The following SND1 variants were observed in gnomAD, a reference collection of about 807,000 sequenced individuals.
SND1 encodes staphylococcal nuclease domain-containing protein 1.
In SND1, 38 loss-of-function variants were observed where a neutral mutation model predicts 121.7. The observed-to-expected ratio is 0.31, with a 90% CI of 0.24 to 0.41. SND1 has a LOEUF of 0.41. SND1 is among the 10% of genes least tolerant of loss of function. The pLI is 1.00. For synonymous variants in SND1, 401 were observed against 447.4 expected, an observed-to-expected ratio of 0.90 and a Z score of 1.31; for missense variants, 868 against 1,184.6, an observed-to-expected ratio of 0.73 and a Z score of 3.92.
At chr7:127,808,533 C>A (rs943965789) in intron 11 of SND1, among the ~76,000 whole-genome samples, 8 of 152,154 alleles carry the variant, frequency 5.3e-5, no homozygotes, top group Admixed American at 2.0e-4. Flanking sequence ...ATTATAAATA[C>A]AACCATTTTT....
At chr7:127,710,677 C>T (rs1796282511) in intron 9 of SND1, among the ~76,000 whole-genome samples, 1 of 152,174 alleles carries the variant, frequency 6.6e-6, no homozygotes, top group South Asian at 2.1e-4. Context: ...TTCCTTGAGG[C>T]AGTCACTTTC....
At position 127,702,420 on chromosome 7, in the gene SND1, T is replaced by G; in HGVS notation, c.590-15T>G. The G allele has an allele frequency of 1.2e-6, 2 of 1,613,184 alleles. No individual in the cohort carries two copies. Among genetic ancestry groups the G allele is most frequent in the Non-Finnish European group, 1.7e-6 (2 of 1,179,104 alleles). On this transcript the variant is annotated splice_polypyrimidine_tract_variant and intron_variant, in intron 5 of 23. Transcript: ENST00000354725. Reference sequence around the variant, plus strand: ...ATGTTTGCTAAGGACTTAAGCTGTTTATTCTGTCACACAGCTATCATCGAG... The same window carrying G: ...ATGTTTGCTAAGGACTTAAGCTGTTGATTCTGTCACACAGCTATCATCGAG...
chr7:128,047,888 C>G (rs939768311), intron 16 of SND1, among the ~76,000 whole-genome samples: 4 of 151,822 alleles, frequency 2.6e-5, no homozygotes, highest in African/African-American at 9.7e-5. Context: ...GCTCTTATTG[C>G]CCAGGCTAGA....
chr7:127,657,235 TCAGA>T (rs1338849451), intron 1 of SND1, among the ~76,000 whole-genome samples: 3 of 151,722 alleles, frequency 2.0e-5, no homozygotes, highest in Non-Finnish European at 4.4e-5. Context: ...TATGGAGGAG[TCAGA>T]CAATAAAGAA....
intron 22 of SND1, among the ~76,000 whole-genome samples, chr7:128,091,149 A>G (rs2117073594): frequency 6.6e-6 from 1 of 152,330 alleles, no homozygotes; most frequent in East Asian, 1.9e-4. Flanking sequence ...ATATTAGAAG[A>G]TGATAACTGC....
chr7:127,959,981 T>G (rs1801690675), intron 15 of SND1, among the ~76,000 whole-genome samples: 1 of 152,234 alleles, frequency 6.6e-6, no homozygotes. Context: ...ATGTTCCCTC[T>G]GGTTCCCCTG....
chr7:127,723,952 A>G (rs774513150), intron 10 of SND1, among the ~76,000 whole-genome samples: 5 of 152,204 alleles, frequency 3.3e-5, no homozygotes, highest in Non-Finnish European at 4.4e-5. Flanking sequence ...TATGGTATGT[A>G]TTGTACATTG....
chr7:128,090,981 C>G (rs1012016313), intron 22 of SND1, among the ~76,000 whole-genome samples: 1 of 152,174 alleles, frequency 6.6e-6, no homozygotes, highest in Non-Finnish European at 1.5e-5. Context: ...GAGATAAACA[C>G]CTAACATGCT....
At chr7:128,074,437 AC>A in intron 16 of SND1, 64 bp from the exon 17 acceptor site, 1 of 1,502,492 alleles carries the variant, frequency 6.7e-7, no homozygotes. Context: ...TGTCCTCCCC[AC>A]GGGCACAGCC....
chr7:127,956,744 G>A (rs1409267004), intron 15 of SND1, among the ~76,000 whole-genome samples: 1 of 152,212 alleles, frequency 6.6e-6, no homozygotes, highest in Admixed American at 6.5e-5. Context: ...GATGATACGT[G>A]TTTACACATC....
chr7:128,048,886 A>C (rs1466253722), intron 16 of SND1, among the ~76,000 whole-genome samples: 1 of 152,160 alleles, frequency 6.6e-6, no homozygotes. Context: ...CAGTGAGTAG[A>C]GAGAGAATGG....
At chr7:127,771,728 G>A (rs1369354771) in intron 10 of SND1, among the ~76,000 whole-genome samples, 1 of 152,136 alleles carries the variant, frequency 6.6e-6, no homozygotes, top group Non-Finnish European at 1.5e-5. Context: ...ATAATACTGT[G>A]TCTTACAAGT....
At chr7:127,657,519 G>A (rs1167553995) in intron 1 of SND1, among the ~76,000 whole-genome samples, 1 of 152,086 alleles carries the variant, frequency 6.6e-6, no homozygotes, top group Non-Finnish European at 1.5e-5. Context: ...TTTCAGTCAG[G>A]ATTTCACTTA....
At chr7:127,969,896 C>G (rs1428982942) in intron 15 of SND1, among the ~76,000 whole-genome samples, 1 of 152,170 alleles carries the variant, frequency 6.6e-6, no homozygotes, top group Non-Finnish European at 1.5e-5. Flanking sequence ...GGACAACTTG[C>G]TTAACCTATC....
chr7:128,086,582 C>T (rs1400375720), intron 20 of SND1: 1 of 354,894 alleles, frequency 2.8e-6, no homozygotes, highest in Non-Finnish European at 5.4e-6. Context: ...CTGGAGAACC[C>T]CCTGGCCTGT....
chr7:127,944,029 C>T (rs1801272856), intron 15 of SND1, among the ~76,000 whole-genome samples: 2 of 152,256 alleles, frequency 1.3e-5, no homozygotes, highest in Non-Finnish European at 2.9e-5. Context: ...TCTGCATCTA[C>T]TTCCACTATG....
chr7:127,830,254 G>A (rs1416646685), intron 11 of SND1, among the ~76,000 whole-genome samples: 2 of 151,952 alleles, frequency 1.3e-5, no homozygotes, highest in African/African-American at 4.8e-5. Flanking sequence ...GTGGTGGTGG[G>A]CGCCTGTAGT....
At chr7:127,720,416 G>A (rs142327956) in intron 9 of SND1, among the ~76,000 whole-genome samples, 1,547 of 152,300 alleles carry the variant, frequency 0.01, 18 homozygotes, top group Non-Finnish European at 0.016. Context: ...AAAAAAAAAG[G>A]CATTGAATAT....
chr7:127,906,157 C>G (rs753093856), intron 14 of SND1, among the ~76,000 whole-genome samples: 1 of 152,180 alleles, frequency 6.6e-6, no homozygotes, highest in Non-Finnish European at 1.5e-5. Flanking sequence ...AACATGTTAA[C>G]TGGACTTCAG....
Sources: gnomAD v4.1 joint callset for allele counts (sites outside exome capture counted in the v4.1 genomes callset) on GRCh38, gnomAD v4.1.1 for gene constraint, MANE v1.5 for transcripts, NCBI Gene and HGNC (gene_info 2026-07-23, HGNC 2026-07-21) for gene names.